The following RIC8B variants were observed in gnomAD, a reference collection of about 807,000 sequenced individuals.
RIC8B encodes RIC8 guanine nucleotide exchange factor B, also known as chaperone Ric-8B.
In RIC8B, 16 loss-of-function variants were observed where a neutral mutation model predicts 57.5. The observed-to-expected ratio is 0.28, with a 90% confidence interval of 0.19 to 0.42. The LOEUF (loss-of-function observed/expected upper bound fraction) is 0.42, where lower values mean the gene tolerates loss of function less well. RIC8B is among the 10% of genes least tolerant of loss of function. The pLI, the probability that RIC8B is intolerant of heterozygous loss-of-function variation, is 1.00. For missense variants in RIC8B, 481 were observed against 677.0 expected (o/e 0.71, Z 3.21); for synonymous variants, 216 against 250.8 (o/e 0.86, Z 1.31).
intron 2 of RIC8B, among the ~76,000 whole-genome samples, chr12:106,790,897 C>G (rs1222216936): frequency 1.3e-5 from 2 of 152,124 alleles, no homozygotes; most frequent in African/African-American, 4.8e-5. Context: ...ATTCACACAG[C>G]CCATATTTCT....
chr12:106,854,286 T>C (rs937649851), intron 7 of RIC8B, among the ~76,000 whole-genome samples: 1 of 151,836 alleles, frequency 6.6e-6, no homozygotes, highest in African/African-American at 2.4e-5. Context: ...AATCAGATTT[T>C]GGAATTTGGG....
chr12:106,850,261 G>C (rs1283212843), intron 6 of RIC8B, among the ~76,000 whole-genome samples: 2 of 152,204 alleles, frequency 1.3e-5, no homozygotes, highest in African/African-American at 2.4e-5. Flanking sequence ...CCAAAAGGTT[G>C]GGGACTGCTG....
chr12:106,801,565 G>A (rs758853433), intron 2 of RIC8B, among the ~76,000 whole-genome samples: 12 of 152,118 alleles, frequency 7.9e-5, no homozygotes, highest in African/African-American at 1.2e-4. Flanking sequence ...TAAATAAAAA[G>A]TGAGAATTGC....
intron 2 of RIC8B, among the ~76,000 whole-genome samples, chr12:106,807,352 C>T (rs1049028283): frequency 6.6e-6 from 1 of 152,244 alleles, no homozygotes; most frequent in African/African-American, 2.4e-5. Flanking sequence ...GATAATCATT[C>T]AGGCAGTGAA....
At chr12:106,827,307 TAAAC>T (rs1362832104) in intron 4 of RIC8B, among the ~76,000 whole-genome samples, 2 of 152,320 alleles carry the variant, frequency 1.3e-5, no homozygotes, top group Admixed American at 1.3e-4. Flanking sequence ...ACAATTCAAA[TAAAC>T]TCATATCTGC....
chr12:106,782,277 A>G (rs931076131), intron 1 of RIC8B, among the ~76,000 whole-genome samples: 1 of 152,178 alleles, frequency 6.6e-6, no homozygotes, highest in African/African-American at 2.4e-5. Context: ...CTAGATCAGT[A>G]GGATAAATTC....
intron 4 of RIC8B, among the ~76,000 whole-genome samples, chr12:106,831,805 A>G (rs1054551012): frequency 6.6e-6 from 1 of 152,198 alleles, no homozygotes; most frequent in Non-Finnish European, 1.5e-5. Context: ...GGATGAATCC[A>G]TGGAATTGGA....
chr12:106,841,799 A>G (rs1948960638), intron 4 of RIC8B, among the ~76,000 whole-genome samples: 1 of 152,170 alleles, frequency 6.6e-6, no homozygotes, highest in South Asian at 2.1e-4. Context: ...ATGTTTGTTG[A>G]GAACATATCT....
intron 4 of RIC8B, among the ~76,000 whole-genome samples, chr12:106,838,859 G>T (rs2046736724): frequency 6.6e-6 from 1 of 151,326 alleles, no homozygotes; most frequent in African/African-American, 2.4e-5. Context: ...AATGGGCAAA[G>T]AACCTGAATA....
At chr12:106,786,058 G>A (rs571795550) in intron 2 of RIC8B, among the ~76,000 whole-genome samples, 1 of 151,376 alleles carries the variant, frequency 6.6e-6, no homozygotes, top group Admixed American at 6.6e-5. Context: ...TGTTGCTCAG[G>A]CTGGCCTCAA....
At chr12:106,811,910 C>T (rs2045351115) in intron 2 of RIC8B, among the ~76,000 whole-genome samples, 1 of 152,186 alleles carries the variant, frequency 6.6e-6, no homozygotes, top group African/African-American at 2.4e-5. Flanking sequence ...GGAAGCAGTA[C>T]ACAAACTCAA....
intron 1 of RIC8B, among the ~76,000 whole-genome samples, chr12:106,776,153 A>C (rs1228825929): frequency 6.6e-6 from 1 of 152,182 alleles, no homozygotes. Context: ...TACGTTGTCC[A>C]ACTCCAAGTC....
At chr12:106,778,382 CTGTT>C (rs1432827677) in intron 1 of RIC8B, among the ~76,000 whole-genome samples, 1 of 152,178 alleles carries the variant, frequency 6.6e-6, no homozygotes, top group Non-Finnish European at 1.5e-5. Flanking sequence ...TGAAACTTGT[CTGTT>C]TGTCAAGGGC....
intron 9 of RIC8B, chr12:106,871,497 A>C (rs917750843): frequency 1.4e-5 from 2 of 139,710 alleles, no homozygotes; most frequent in South Asian, 4.5e-4. Context: ...AAAAAAAAAA[A>C]ACCAAAAAAC....
At chr12:106,775,950 T>C (rs1406404356) in intron 1 of RIC8B, among the ~76,000 whole-genome samples, 1 of 152,212 alleles carries the variant, frequency 6.6e-6, no homozygotes, top group African/African-American at 2.4e-5. Context: ...TTACTGACAA[T>C]TGGTGTCTTA....
intron 6 of RIC8B, among the ~76,000 whole-genome samples, chr12:106,844,544 G>A (rs955101978): frequency 6.6e-6 from 1 of 152,150 alleles, no homozygotes; most frequent in East Asian, 1.9e-4. Context: ...TACAGCAGGC[G>A]GTGTAGGACT....
intron 8 of RIC8B, among the ~76,000 whole-genome samples, chr12:106,869,665 C>T (rs1255837387): frequency 1.3e-5 from 2 of 152,160 alleles, no homozygotes; most frequent in East Asian, 1.9e-4. Context: ...ATCTGCTAGG[C>T]GCCATGGCTT....
rs368722698 is a variant in RIC8B at position 106,855,683 on chromosome 12, C to A, written c.1306+4089C>A. Among the ~76,000 whole-genome samples, 30 of 152,270 alleles carry A rather than the reference C, an allele frequency of 2.0e-4. No individual in the cohort carries two copies. The East Asian group carries it at 3.7e-3, about 19-fold the overall frequency. ...CTTTCTTTGCAGTCTGATTTGCTAG[C>A]TCCTGTCCTTGTCCACATTTAATTG... On this transcript the variant is annotated intron_variant, in intron 7 of 9. Transcript: ENST00000392837.
At position 106,867,593 on chromosome 12, in the gene RIC8B, A is replaced by C. The variant is rs1178700216; in HGVS notation, c.1452-3230A>C. 2.0e-5 allele frequency among the ~76,000 whole-genome samples: 3 copies of C among 152,186 alleles called. No homozygotes were observed. The highest frequency in any genetic ancestry group is 4.4e-5 in the Non-Finnish European group (3 of 68,034). On this transcript the variant is annotated intron_variant, in intron 8 of 9. Coordinates refer to ENST00000392837, the MANE Select transcript of RIC8B (RefSeq NM_001330145.2). This position sits in a 1 kb window ranked among gnomAD's most constrained non-coding sequence, Gnocchi z 4.3. ...AAAGGTGTCAGGTATTTGTTCCACC[A>C]AAAGTAATCTATTTTATGAAATCTC...
Sources: gnomAD v4.1 joint callset for allele counts (sites outside exome capture counted in the v4.1 genomes callset) on GRCh38, gnomAD v4.1.1 for gene constraint, Gnocchi (gnomAD v3.1) non-coding constraint, MANE v1.5 for transcripts, NCBI Gene and HGNC (gene_info 2026-07-23, HGNC 2026-07-21) for gene names.